LAMA3: variants seen among roughly 807,000 people sequenced by gnomAD.
The protein encoded by LAMA3 is laminin subunit alpha 3.
A neutral mutation model predicts 402.0 loss-of-function variants in LAMA3; 281 were observed. The ratio of observed to expected loss-of-function variants is 0.70; its 90% CI spans 0.63 to 0.77. The LOEUF is 0.77. Ranked by LOEUF, LAMA3 falls within the 30% of genes least tolerant of loss-of-function variation. LAMA3 has a pLI of 0.00. For missense variants in LAMA3, 3,840 were observed against 4,215.5 expected, an observed-to-expected ratio of 0.91 and a Z score of 2.47; for synonymous variants, 1,431 against 1,558.4, an observed-to-expected ratio of 0.92 and a Z score of 1.93.
intron 34 of LAMA3, 133 bp downstream of exon 34, chr18:23,858,962 A>C: frequency 3.3e-6 from 3 of 916,506 alleles, no homozygotes; most frequent in Non-Finnish European, 5.3e-6. Context: ...TGTTTGCTCG[A>C]ATGCCATGTG....
At chr18:23,735,310 A>C (rs551417222) in intron 2 of LAMA3, among the ~76,000 whole-genome samples, 91 of 152,318 alleles carry the variant, frequency 6.0e-4, no homozygotes, top group African/African-American at 2.1e-3. Flanking sequence ...AACATGCAGC[A>C]ATATATATTT....
At chr18:23,739,662 T>G (rs1568131058) in intron 2 of LAMA3, among the ~76,000 whole-genome samples, 1 of 152,214 alleles carries the variant, frequency 6.6e-6, no homozygotes, top group Non-Finnish European at 1.5e-5. Flanking sequence ...ACTCTTTAGA[T>G]AGAAGCATAT....
At chr18:23,790,828 T>C (rs1350863307) in intron 12 of LAMA3, among the ~76,000 whole-genome samples, 1 of 152,054 alleles carries the variant, frequency 6.6e-6, no homozygotes, top group Non-Finnish European at 1.5e-5. Context: ...CCATTATCTA[T>C]AAAGAGCAAG....
chr18:23,865,156 T>G (rs1265225444), intron 36 of LAMA3, among the ~76,000 whole-genome samples: 2 of 152,164 alleles, frequency 1.3e-5, no homozygotes, highest in African/African-American at 4.8e-5. Flanking sequence ...TAAACTTTTT[T>G]TGAACTTTTT....
chr18:23,826,701 G>C lies in LAMA3; in HGVS notation c.2572-1G>C. The C allele has an allele frequency of 6.4e-7, 1 of 1,551,594 alleles. No homozygotes were observed. The highest frequency in any genetic ancestry group is 8.7e-7 in the Non-Finnish European group (1 of 1,145,020). On this transcript the variant is annotated splice_acceptor_variant, in intron 21 of 74. Transcript: ENST00000313654. LOFTEE classifies it high-confidence loss of function. ...TTCTCCTTTTGGTCTTTATTTTCTA[G>C]GATTACCTGGTGCTGCTCCCCAGGG...
chr18:23,907,927 A>G lies in LAMA3; in HGVS notation c.7007A>G (p.Asp2336Gly), dbSNP rs766284637. The G allele has an allele frequency of 1.9e-6, 3 of 1,613,660 alleles. No homozygotes were observed. The highest frequency in any genetic ancestry group is 1.1e-5 in the South Asian group (1 of 91,048). ...TTCAAAAAGGCTCTGACTGATGCAGATAACTCGGGTATCAGGCGATCTCTG... is the reference window on the plus strand; with the variant it reads ...TTCAAAAAGGCTCTGACTGATGCAGGTAACTCGGGTATCAGGCGATCTCTG... Reference protein sequence around the residue: ...EDFKKALTDADNSVNKLTNKL... With the variant: ...EDFKKALTDAGNSVNKLTNKL... Residue 2336 changes from aspartate to glycine, a missense_variant, in exon 54 of 75, where the codon GAT becomes GGT. Coordinates refer to ENST00000313654, the MANE Select transcript of LAMA3 (RefSeq NM_198129.4).
chr18:23,794,112 C>G (rs556868007), intron 12 of LAMA3, among the ~76,000 whole-genome samples: 38 of 152,380 alleles, frequency 2.5e-4, no homozygotes, highest in Non-Finnish European at 4.6e-4. Context: ...GTTCAGCTAT[C>G]TGGAAGCTCT....
At chr18:23,701,204 T>C (rs1788813) in intron 1 of LAMA3, among the ~76,000 whole-genome samples, 90,730 of 152,054 alleles carry the variant, frequency 0.6, 27,560 homozygotes, top group Middle Eastern at 0.67. Context: ...CTCACTTCCT[T>C]TTTCCTCTCT....
At chr18:23,903,364 A>G (rs1277081007) in intron 49 of LAMA3, among the ~76,000 whole-genome samples, 1 of 152,262 alleles carries the variant, frequency 6.6e-6, no homozygotes, top group Non-Finnish European at 1.5e-5. Flanking sequence ...CTTTTGTGAT[A>G]GCAACAAAAA....
chr18:23,693,153 G>A (rs1238156542), intron 1 of LAMA3, among the ~76,000 whole-genome samples: 1 of 152,142 alleles, frequency 6.6e-6, no homozygotes, highest in Non-Finnish European at 1.5e-5. Flanking sequence ...AGACCAGCTT[G>A]GCCAGCATGG....
intron 12 of LAMA3, 21 bp downstream of exon 12, chr18:23,784,178 AT>A (rs771573189): frequency 8.1e-6 from 13 of 1,613,712 alleles, no homozygotes. Context: ...AGAACATAGC[AT>A]ATTCATAATC....
Position 23,827,424 on chromosome 18 carries a change from C to A in LAMA3, c.2780C>A (p.Pro927His). 4 of 1,614,118 alleles carry A rather than the reference C, an allele frequency of 2.5e-6. No individual in the cohort carries two copies. Among genetic ancestry groups the A allele is most frequent in the Non-Finnish European group, 3.4e-6 (4 of 1,180,018 alleles). ...CCAAGACCCGTGGCAGTGAGGCAGC[C>A]CACACCTGCACACCCTGTCATGGTG... ...GEPRPVAVRQPTPAHPVMVDL... is the reference protein window; with the variant it reads ...GEPRPVAVRQHTPAHPVMVDL... The change falls in exon 23 of 75, where the codon CCC (proline) becomes CAC (histidine). Residue 927 changes from proline (P) to histidine (H), a missense_variant. By Grantham distance (77) the Pro-to-His change is moderately conservative. Around this residue, in one of 3 missense-constraint regions of LAMA3, gnomAD observed 2,109 missense variants for 2,376.0 expected, o/e 0.89. Coordinates refer to ENST00000313654, the MANE Select transcript of LAMA3 (RefSeq NM_198129.4).
intron 73 of LAMA3, 39 bp from the exon 74 acceptor site, chr18:23,952,951 C>A (rs377376475): frequency 3.0e-5 from 48 of 1,613,158 alleles, no homozygotes; most frequent in Non-Finnish European, 4.0e-5. Flanking sequence ...AAGCAGGGCT[C>A]ACCTCCGATG....
intron 25 of LAMA3, among the ~76,000 whole-genome samples, chr18:23,837,607 T>C (rs2063613395): frequency 2.2e-5 from 1 of 46,088 alleles, no homozygotes. Flanking sequence ...TATTAAGAGT[T>C]AAAATATCAA....
At chr18:23,924,176 G>A (rs184187215) in intron 62 of LAMA3, among the ~76,000 whole-genome samples, 3 of 152,182 alleles carry the variant, frequency 2.0e-5, no homozygotes, top group Admixed American at 6.5e-5. Flanking sequence ...TTTGAGACAA[G>A]AGTCTTGCTC....
chr18:23,796,028 A>G (rs2062756597), intron 12 of LAMA3: 1 of 425,674 alleles, frequency 2.3e-6, no homozygotes, highest in Non-Finnish European at 4.6e-6. Flanking sequence ...GTGAGGACCC[A>G]GTGAAAAGGT....
chr18:23,942,023 A>C (rs1039598839), intron 68 of LAMA3, among the ~76,000 whole-genome samples: 4 of 152,222 alleles, frequency 2.6e-5, no homozygotes, highest in African/African-American at 9.6e-5. Context: ...TTTCGTTTTG[A>C]AGAACATTGC....
rs374417375 is a variant in LAMA3, at chr18:23,809,644, C to T, written c.1604-722C>T. On this transcript the variant is annotated intron_variant, in intron 12 of 74. Coordinates refer to ENST00000313654, the MANE Select transcript of LAMA3 (RefSeq NM_198129.4). Reference sequence around the variant, plus strand: ...GGGGGCCAAGAGGAGAATGAATGGCCAGCATCTGTTCTCTCCATCCACACG... The same window carrying T: ...GGGGGCCAAGAGGAGAATGAATGGCTAGCATCTGTTCTCTCCATCCACACG... Among the ~76,000 whole-genome samples, 128 of 152,284 alleles carry T rather than the reference C, an allele frequency of 8.4e-4. 3 individuals are homozygous for T. The South Asian group carries it at 0.026, about 30-fold the overall frequency.
intron 18 of LAMA3, among the ~76,000 whole-genome samples, chr18:23,818,859 T>C (rs1207082552): frequency 1.3e-5 from 2 of 152,160 alleles, no homozygotes; most frequent in African/African-American, 4.8e-5. Context: ...AATGGTTATG[T>C]ATTTTTTTTT....
Sources: gnomAD v4.1 joint callset for allele counts (sites outside exome capture counted in the v4.1 genomes callset) on GRCh38, gnomAD v4.1.1 for gene constraint, gnomAD v4.1.1 regional missense constraint, MANE v1.5 for transcripts, NCBI Gene and HGNC (gene_info 2026-07-23, HGNC 2026-07-21) for gene names.